The following HACD3 variants were observed in gnomAD, a reference collection of about 807,000 sequenced individuals.
The protein encoded by HACD3 is 3-hydroxyacyl-CoA dehydratase 3, also known as very-long-chain (3R)-3-hydroxyacyl-CoA dehydratase 3.
Under a neutral mutation model 55.2 loss-of-function variants are expected in HACD3, and 30 were observed. The ratio of observed to expected loss-of-function variants is 0.54; its 90% CI spans 0.41 to 0.74. The LOEUF is 0.74. Ranked by LOEUF, HACD3 falls within the 30% of genes least tolerant of loss-of-function variation. The pLI is 0.00. For missense variants in HACD3, 363 were observed against 440.1 expected, an observed-to-expected ratio of 0.82 and a Z score of 1.57; for synonymous variants, 141 against 151.7, an observed-to-expected ratio of 0.93 and a Z score of 0.52.
intron 7 of HACD3, among the ~76,000 whole-genome samples, chr15:65,568,366 A>AT (rs869235514): frequency 1.5e-3 from 212 of 143,770 alleles, no homozygotes; most frequent in Admixed American, 2.9e-3. Flanking sequence ...TGTTATGTGT[A>AT]TTTTTTTTTT....
At chr15:65,575,966 C>T (rs747569476) in intron 10 of HACD3, among the ~76,000 whole-genome samples, 4 of 152,056 alleles carry the variant, frequency 2.6e-5, no homozygotes, top group African/African-American at 9.7e-5. Flanking sequence ...TGGTGGTGGA[C>T]GCCTGTAATC....
At chr15:65,567,058 C>G (rs368975935) in intron 7 of HACD3, 16 of 151,894 alleles carry the variant, frequency 1.1e-4, no homozygotes, top group African/African-American at 3.9e-4. Context: ...CATGGTGGCT[C>G]ATTCCTGTAA....
chr15:65,566,641 A>T (rs1450152614), intron 7 of HACD3: 1 of 152,264 alleles, frequency 6.6e-6, no homozygotes, highest in East Asian at 1.9e-4. Flanking sequence ...ATTCTAGGAG[A>T]TACAATTCAA....
At chr15:65,563,045 C>T (rs868833360) in intron 6 of HACD3, among the ~76,000 whole-genome samples, 161 bp downstream of exon 6, 1 of 152,088 alleles carries the variant, frequency 6.6e-6, no homozygotes, top group South Asian at 2.1e-4. Context: ...TTCCCATGGC[C>T]TTGTGAAATA....
intron 1 of HACD3, chr15:65,535,967 G>A (rs75130902): frequency 2.1e-4 from 87 of 419,446 alleles, no homozygotes; most frequent in African/African-American, 1.6e-3. Context: ...TGAGGTTACA[G>A]GCTTGAACCA....
At chr15:65,542,538 A>G (rs2072031319) in intron 1 of HACD3, among the ~76,000 whole-genome samples, 1 of 152,172 alleles carries the variant, frequency 6.6e-6, no homozygotes, top group Admixed American at 6.5e-5. Flanking sequence ...TGCTGGGATT[A>G]CAGGCATCAG....
At chr15:65,538,185 G>A (rs1355750701) in intron 1 of HACD3, among the ~76,000 whole-genome samples, 1 of 151,698 alleles carries the variant, frequency 6.6e-6, no homozygotes, top group Non-Finnish European at 1.5e-5. Flanking sequence ...CTTTCCGTAA[G>A]GTTAAAACTG....
At chr15:65,572,018 A>T (rs2072353043) in intron 9 of HACD3, among the ~76,000 whole-genome samples, 1 of 152,178 alleles carries the variant, frequency 6.6e-6, no homozygotes, top group Non-Finnish European at 1.5e-5. Flanking sequence ...GCCCACTACC[A>T]TGACTTCCTC....
At chr15:65,536,622 TG>T (rs1461967949) in intron 1 of HACD3, among the ~76,000 whole-genome samples, 2 of 152,220 alleles carry the variant, frequency 1.3e-5, no homozygotes, top group South Asian at 2.1e-4. Flanking sequence ...CTAGGTGTGG[TG>T]GCGGGTGCCT....
intron 1 of HACD3, among the ~76,000 whole-genome samples, chr15:65,547,778 C>T (rs1448602529): frequency 6.6e-6 from 1 of 152,182 alleles, no homozygotes; most frequent in Non-Finnish European, 1.5e-5. Flanking sequence ...TTATTGTGAA[C>T]TCTTTGTAGT....
Position 65,568,361 on chromosome 15 carries a change from T to C in HACD3, c.661-1730T>C, listed in dbSNP as rs553908044. On this transcript the variant is annotated intron_variant, in intron 7 of 10. Transcript: ENST00000261875. The stretch of plus-strand genomic sequence containing the variant: ...GATTAAGATGGTAAAGTTTATGTTA[T>C]GTGTATTTTTTTTTTTTCAGATGGT... Among the ~76,000 whole-genome samples the C allele has an allele frequency of 3.3e-5, 5 of 152,078 alleles. No homozygotes were observed. The East Asian group carries it at 9.7e-4, about 29-fold the overall frequency.
chr15:65,568,843 A>G (rs933619512), intron 7 of HACD3, among the ~76,000 whole-genome samples: 3 of 152,232 alleles, frequency 2.0e-5, no homozygotes, highest in African/African-American at 7.2e-5. Context: ...CGGGAACAGA[A>G]TAAAACCCAG....
chr15:65,535,717 G>C, intron 1 of HACD3: 1 of 467,260 alleles, frequency 2.1e-6, no homozygotes. Flanking sequence ...TTTTTTTGAG[G>C]CAGGGTCTCA....
At chr15:65,535,915 C>G in intron 1 of HACD3, 1 of 456,690 alleles carries the variant, frequency 2.2e-6, no homozygotes, top group Non-Finnish European at 3.9e-6. Flanking sequence ...GTCTTGAACT[C>G]CTGGACTTAA....
At chr15:65,569,683 G>A (rs1454921373) in intron 7 of HACD3, among the ~76,000 whole-genome samples, 1 of 152,058 alleles carries the variant, frequency 6.6e-6, no homozygotes, top group East Asian at 1.9e-4. Context: ...ACTCCAGCCC[G>A]GGTGACGGAG....
In HACD3 at chr15:65,558,793, T is replaced by G. The variant is rs1223503143; in HGVS notation, c.421+62T>G. 5.3e-6 allele frequency: 8 copies of G among 1,521,090 alleles called. No homozygotes were observed. The East Asian group carries it at 1.9e-4, about 36-fold the overall frequency. The allele number at this position is 1,521,090 out of a possible 1,614,324, so 94.2% of individuals were successfully genotyped here. ...CTTGTGCTAGTGTTGGAAGTATGGA[T>G]AATTGTGATGTGGCAGGAGAGCTAA... On this transcript the variant is annotated intron_variant, in intron 5 of 10. Coordinates refer to ENST00000261875, the MANE Select transcript of HACD3 (RefSeq NM_016395.4).
intron 1 of HACD3, chr15:65,535,841 G>A: frequency 1.7e-6 from 1 of 594,894 alleles, no homozygotes; most frequent in Non-Finnish European, 3.0e-6. Context: ...ACAGGTACCT[G>A]CCTAGCTAAT....
At chr15:65,544,067 C>T (rs2072048483) in intron 1 of HACD3, among the ~76,000 whole-genome samples, 1 of 152,054 alleles carries the variant, frequency 6.6e-6, no homozygotes, top group Admixed American at 6.6e-5. Context: ...GTCCCAGCTA[C>T]TCGGGAGGCC....
At chr15:65,560,797 A>G (rs2072236988) in intron 5 of HACD3, among the ~76,000 whole-genome samples, 1 of 114,506 alleles carries the variant, frequency 8.7e-6, no homozygotes, top group African/African-American at 4.6e-5. Flanking sequence ...GTGAGACCCT[A>G]TCTCAAAAAA....
Sources: gnomAD v4.1 joint callset for allele counts (sites outside exome capture counted in the v4.1 genomes callset) on GRCh38, gnomAD v4.1.1 for gene constraint, MANE v1.5 for transcripts, NCBI Gene and HGNC (gene_info 2026-07-23, HGNC 2026-07-21) for gene names.